Variants in TRIO observed in about 807,000 individuals in gnomAD.
TRIO encodes triple functional domain protein.
Under a neutral mutation model 351.9 loss-of-function variants are expected in TRIO, and 58 were observed. That is an observed-to-expected ratio of 0.16 (90% CI 0.13 to 0.21). TRIO has a LOEUF of 0.21. TRIO is among the 10% of genes least tolerant of loss of function. TRIO has a pLI of 1.00. For missense variants in TRIO, 3,201 were observed against 4,027.8 expected (o/e 0.79, Z 5.56); for synonymous variants, 1,758 against 1,595.7 (o/e 1.10, Z -2.42).
chr5:14,186,440 C>T (rs72742580), intron 1 of TRIO, among the ~76,000 whole-genome samples: 2,629 of 152,260 alleles, frequency 0.017, 35 homozygotes, highest in Non-Finnish European at 0.029. Context: ...CCGATGGAAC[C>T]TTTCTGGTTG....
intron 1 of TRIO, among the ~76,000 whole-genome samples, chr5:14,160,670 T>G (rs1440121754): frequency 6.6e-6 from 1 of 152,194 alleles, no homozygotes; most frequent in Admixed American, 6.5e-5. Flanking sequence ...GCCCTCAAGG[T>G]GGAAATGAAA....
intron 8 of TRIO, among the ~76,000 whole-genome samples, chr5:14,309,616 A>G (rs190332621): frequency 6.6e-6 from 1 of 152,322 alleles, no homozygotes; most frequent in Admixed American, 6.5e-5. Flanking sequence ...CTAGTTCTGC[A>G]GTGACTGATG....
At chr5:14,279,949 G>A (rs1735852138) in intron 2 of TRIO, among the ~76,000 whole-genome samples, 1 of 152,234 alleles carries the variant, frequency 6.6e-6, no homozygotes, top group Admixed American at 6.5e-5. Context: ...GGGGAAAAAT[G>A]TGGGGGAGAC....
At chr5:14,216,047 A>G (rs1306573895) in intron 1 of TRIO, among the ~76,000 whole-genome samples, 1 of 152,136 alleles carries the variant, frequency 6.6e-6, no homozygotes, top group African/African-American at 2.4e-5. Context: ...CATGGTATCT[A>G]CTTCTTAGCG....
At chr5:14,176,146 G>C (rs1049911559) in intron 1 of TRIO, among the ~76,000 whole-genome samples, 4 of 152,030 alleles carry the variant, frequency 2.6e-5, no homozygotes, top group Non-Finnish European at 2.9e-5. Context: ...CCCTGTCTCT[G>C]TTAAAAACAA....
chr5:14,334,762 C>T (rs186507026), intron 10 of TRIO, among the ~76,000 whole-genome samples: 2 of 152,258 alleles, frequency 1.3e-5, no homozygotes, highest in Non-Finnish European at 2.9e-5. Flanking sequence ...TAAGCAGGGA[C>T]TTCCAAGCCT....
In TRIO at chr5:14,485,050, ATGT is replaced by A. The variant is rs756071983; in HGVS notation, c.6658-17_6658-15del. The A allele has an allele frequency of 1.3e-6, 2 of 1,490,418 alleles. No homozygotes were observed. The highest frequency in any genetic ancestry group is 4.6e-5 in the East Asian group (2 of 43,192). The allele number at this position is 1,490,418 out of a possible 1,614,324, so 92.3% of individuals were successfully genotyped here. On this transcript the variant is annotated splice_polypyrimidine_tract_variant and intron_variant, in intron 46 of 56. Transcript: ENST00000344204. ...TTCCACCTGTTAGCTATTATGAATA[ATGT>A]TTTTTTTTTTTTAAGGTGAGTTGCC... is the stretch of plus-strand genomic sequence containing the variant.
chr5:14,454,056 A>G (rs1397875415), intron 34 of TRIO, among the ~76,000 whole-genome samples: 1 of 152,048 alleles, frequency 6.6e-6, no homozygotes, highest in Non-Finnish European at 1.5e-5. Context: ...CAGCTTCCCG[A>G]GTAGCTGGGA....
chr5:14,359,684 G>C (rs998312111), intron 13 of TRIO, among the ~76,000 whole-genome samples, 153 bp downstream of exon 13: 3 of 152,128 alleles, frequency 2.0e-5, no homozygotes, highest in Non-Finnish European at 4.4e-5. Flanking sequence ...AGGGAGAGAG[G>C]GTCCCTGGAG....
Position 14,508,558 on chromosome 5 carries a change from G to C in TRIO, c.*136G>C. On this transcript the variant is annotated 3_prime_UTR_variant, in exon 57 of 57. Coordinates refer to ENST00000344204, the MANE Select transcript of TRIO (RefSeq NM_007118.4). ...TGTGAAATTGCATTCCAAGTGAGCT[G>C]TGCTCAGCAGTGCTTGGACACAGAG... 1 of 1,110,438 alleles carries C rather than the reference G, an allele frequency of 9.0e-7. No homozygotes were observed. Among genetic ancestry groups the C allele is most frequent in the Non-Finnish European group, 1.3e-6 (1 of 787,478 alleles). The allele number at this position is 1,110,438 out of a possible 1,614,324, so 68.8% of individuals were successfully genotyped here.
intron 21 of TRIO, among the ~76,000 whole-genome samples, chr5:14,381,642 C>G (rs1746115405): frequency 6.6e-6 from 1 of 152,160 alleles, no homozygotes. Context: ...CTTTCCTACA[C>G]CTGGGGGTGT....
intron 40 of TRIO, among the ~76,000 whole-genome samples, 188 bp downstream of exon 40, chr5:14,474,285 G>A (rs1176423049): frequency 6.6e-6 from 1 of 152,188 alleles, no homozygotes; most frequent in African/African-American, 2.4e-5. Context: ...CACGGAGAGA[G>A]TCTTGTCTCT....
At chr5:14,294,863 A>G (rs1302184954) in intron 6 of TRIO, among the ~76,000 whole-genome samples, 1 of 152,250 alleles carries the variant, frequency 6.6e-6, no homozygotes, top group Non-Finnish European at 1.5e-5. Flanking sequence ...TGTTATCAAT[A>G]TAATTAAAGA....
At chr5:14,187,634 A>G (rs527995424) in intron 1 of TRIO, among the ~76,000 whole-genome samples, 3 of 152,230 alleles carry the variant, frequency 2.0e-5, no homozygotes, top group African/African-American at 7.2e-5. Context: ...GCAAAAGCGA[A>G]TATTTCTAAC....
chr5:14,286,711 G>C lies in TRIO; in HGVS notation c.348-160G>C, dbSNP rs1451306155. The stretch of plus-strand genomic sequence containing the variant: ...TGGGTCTCTTCCTTTATGGTACAAG[G>C]GAGGGACGAGAAGGAGCTGAGCACA... On this transcript the variant is annotated intron_variant, in intron 3 of 56. Transcript: ENST00000344204. This position sits in a 1 kb window ranked among gnomAD's most constrained non-coding sequence, Gnocchi z 4.4. 5.3e-5 allele frequency among the ~76,000 whole-genome samples: 8 copies of C among 152,158 alleles called. No homozygotes were observed. Among genetic ancestry groups the C allele is most frequent in the African/African-American group, 1.9e-4 (8 of 41,424 alleles).
At chr5:14,163,749 A>G (rs559308420) in intron 1 of TRIO, among the ~76,000 whole-genome samples, 1 of 152,368 alleles carries the variant, frequency 6.6e-6, no homozygotes, top group East Asian at 1.9e-4. Context: ...CTGTGAGTGT[A>G]ATTTAAAAAT....
chr5:14,478,695 G>A (rs937848779), intron 41 of TRIO, among the ~76,000 whole-genome samples: 9 of 150,710 alleles, frequency 6.0e-5, no homozygotes, highest in Non-Finnish European at 4.4e-5. Flanking sequence ...GCTCATGCCT[G>A]TAATCCCAAC....
intron 1 of TRIO, among the ~76,000 whole-genome samples, chr5:14,204,136 T>G (rs558849755): frequency 1.3e-5 from 2 of 152,364 alleles, no homozygotes; most frequent in Non-Finnish European, 2.9e-5. Context: ...TGGGAAATGC[T>G]TGTTTTGAGT....
chr5:14,322,231 T>C (rs1739954026), intron 9 of TRIO, among the ~76,000 whole-genome samples: 1 of 152,228 alleles, frequency 6.6e-6, no homozygotes, highest in African/African-American at 2.4e-5. Context: ...ATTTTGCTAA[T>C]TAAAGATTCT....
Sources: gnomAD v4.1 joint callset for allele counts (sites outside exome capture counted in the v4.1 genomes callset) on GRCh38, gnomAD v4.1.1 for gene constraint, Gnocchi (gnomAD v3.1) non-coding constraint, MANE v1.5 for transcripts, NCBI Gene and HGNC (gene_info 2026-07-23, HGNC 2026-07-21) for gene names.